LYN: variants seen among roughly 807,000 people sequenced by gnomAD.
LYN encodes tyrosine-protein kinase Lyn.
Under a neutral mutation model 65.0 loss-of-function variants are expected in LYN, and 12 were observed. The ratio of observed to expected loss-of-function variants is 0.18; its 90% CI spans 0.12 to 0.30. The LOEUF is 0.30. LYN is among the 10% of genes least tolerant of loss of function. LYN has a pLI of 1.00. For missense variants in LYN, 380 were observed against 623.2 expected, an observed-to-expected ratio of 0.61 and a Z score of 4.16; for synonymous variants, 222 against 221.2, an observed-to-expected ratio of 1.00 and a Z score of -0.03.
At chr8:55,959,693 G>A (rs1184211919) in intron 8 of LYN, among the ~76,000 whole-genome samples, 1 of 152,064 alleles carries the variant, frequency 6.6e-6, no homozygotes, top group Non-Finnish European at 1.5e-5. Flanking sequence ...GCAAAAACCT[G>A]TACATGAGTG....
chr8:55,998,369 C>T lies in LYN; in HGVS notation c.1074C>T (p.Ile358=), dbSNP rs2227978. Residue 358 remains isoleucine (I), a synonymous_variant, in exon 11 of 13, where the codon ATC becomes ATT. Coordinates refer to ENST00000519728, the MANE Select transcript of LYN (RefSeq NM_002350.4). ...AGATTGCAGAGGGAATGGCATACAT[C>T]GAGCGGAAGAACTACATTCACCGGG... ...SAQIAEGMAY[I]ERKNYIHRDL... 8,622 of 1,613,392 alleles carry T rather than the reference C, an allele frequency of 5.3e-3. 418 individuals are homozygous for T. In the African/African-American group the frequency reaches 0.1, roughly 19 times the overall value.
intron 8 of LYN, among the ~76,000 whole-genome samples, chr8:55,966,296 T>C: frequency 6.6e-6 from 1 of 152,306 alleles, no homozygotes; most frequent in Non-Finnish European, 1.5e-5. Flanking sequence ...CACTACATAG[T>C]GTTTTAACTC....
At chr8:55,983,419 G>A (rs1807983766) in intron 10 of LYN, among the ~76,000 whole-genome samples, 1 of 152,172 alleles carries the variant, frequency 6.6e-6, no homozygotes, top group Non-Finnish European at 1.5e-5. Context: ...AGGAATCAAA[G>A]TAAAGCCTTC....
At chr8:55,905,160 C>T (rs989944105) in intron 1 of LYN, among the ~76,000 whole-genome samples, 1 of 152,206 alleles carries the variant, frequency 6.6e-6, no homozygotes, top group Non-Finnish European at 1.5e-5. Context: ...CCTGTCATCC[C>T]AGCACTTTGG....
intron 1 of LYN, among the ~76,000 whole-genome samples, chr8:55,935,867 G>T (rs973692710): frequency 3.3e-5 from 5 of 151,954 alleles, no homozygotes; most frequent in African/African-American, 9.7e-5. Flanking sequence ...TGGTGGTGGA[G>T]CTTAGTGCTA....
At chr8:55,991,503 G>A (rs1048850858) in intron 10 of LYN, among the ~76,000 whole-genome samples, 83 of 152,264 alleles carry the variant, frequency 5.5e-4, no homozygotes, top group Non-Finnish European at 4.6e-4. Context: ...AACAAGATAA[G>A]CCTGCCCATT....
chr8:55,924,745 G>A (rs571805554), intron 1 of LYN, among the ~76,000 whole-genome samples: 1 of 152,248 alleles, frequency 6.6e-6, no homozygotes, highest in Non-Finnish European at 1.5e-5. Context: ...CCTAGAGTGA[G>A]TTTACAGTGA....
At chr8:55,894,709 A>G (rs768926566) in intron 1 of LYN, among the ~76,000 whole-genome samples, 1 of 151,790 alleles carries the variant, frequency 6.6e-6, no homozygotes, top group Non-Finnish European at 1.5e-5. Flanking sequence ...ATTTTTTTGT[A>G]TTTTTAGTAG....
intron 10 of LYN, chr8:55,980,606 G>A (rs1807891278): frequency 6.6e-6 from 1 of 152,342 alleles, no homozygotes; most frequent in East Asian, 1.9e-4. Context: ...GTCAAATTTG[G>A]ATTTTGGATA....
chr8:55,919,909 G>T (rs934332881), intron 1 of LYN, among the ~76,000 whole-genome samples: 3 of 150,258 alleles, frequency 2.0e-5, no homozygotes, highest in Admixed American at 6.6e-5. Flanking sequence ...AGGGTTGGGC[G>T]GGGGGAGTGG....
At chr8:55,902,331 C>CTTT (rs11424283) in intron 1 of LYN, among the ~76,000 whole-genome samples, 10 of 134,144 alleles carry the variant, frequency 7.5e-5, no homozygotes, top group Admixed American at 1.5e-4. Flanking sequence ...TTCTTTCTTT[C>CTTT]TTTTTTTTTT....
chr8:55,926,481 G>A (rs767845042), intron 1 of LYN, among the ~76,000 whole-genome samples: 10 of 152,180 alleles, frequency 6.6e-5, no homozygotes, highest in South Asian at 2.1e-4. Context: ...GGCTATGGGC[G>A]TATTAGGAGT....
chr8:55,942,377 A>G (rs1585622653), intron 2 of LYN, among the ~76,000 whole-genome samples: 2 of 139,214 alleles, frequency 1.4e-5, no homozygotes, highest in Admixed American at 7.3e-5. Context: ...GTGTATATAT[A>G]TGTGTATATA....
chr8:55,947,825 C>A, intron 4 of LYN, 102 bp downstream of exon 4: 1 of 803,618 alleles, frequency 1.2e-6, no homozygotes. Flanking sequence ...CATAGCCCGG[C>A]CCCTTTCTTG....
At chr8:55,990,236 C>A (rs1267249974) in intron 10 of LYN, among the ~76,000 whole-genome samples, 6 of 105,692 alleles carry the variant, frequency 5.7e-5, no homozygotes, top group African/African-American at 2.2e-4. Context: ...GAGACTCTGC[C>A]TCCAAAAAAA....
intron 8 of LYN, among the ~76,000 whole-genome samples, chr8:55,963,875 G>C (rs909087574): frequency 6.6e-6 from 1 of 152,066 alleles, no homozygotes; most frequent in Non-Finnish European, 1.5e-5. Flanking sequence ...GCTGTGATTT[G>C]CTATGGATAT....
chr8:55,924,984 G>T (rs1467818503), intron 1 of LYN, among the ~76,000 whole-genome samples: 5 of 152,018 alleles, frequency 3.3e-5, no homozygotes, highest in Non-Finnish European at 5.9e-5. Context: ...TGGGATTATA[G>T]ACACCCACCA....
chr8:55,909,132 G>A (rs945253766), intron 1 of LYN, among the ~76,000 whole-genome samples: 20 of 151,166 alleles, frequency 1.3e-4, no homozygotes, highest in South Asian at 4.2e-4. Flanking sequence ...AGATCATGGC[G>A]AATTTGCTTC....
intron 4 of LYN, 42 bp downstream of exon 4, chr8:55,947,765 G>T (rs371462808): frequency 2.3e-6 from 3 of 1,325,870 alleles, no homozygotes; most frequent in Non-Finnish European, 3.3e-6. Context: ...GTTTCCTCAG[G>T]CCACTGAGTC....
Sources: gnomAD v4.1 joint callset for allele counts (sites outside exome capture counted in the v4.1 genomes callset) on GRCh38, gnomAD v4.1.1 for gene constraint, MANE v1.5 for transcripts, NCBI Gene and HGNC (gene_info 2026-07-23, HGNC 2026-07-21) for gene names.